The following SOBP variants were observed in gnomAD, a reference collection of about 807,000 sequenced individuals.
The protein encoded by SOBP is sine oculis-binding protein homolog.
In SOBP, 4 loss-of-function variants were observed where a neutral mutation model predicts 53.6. That is an observed-to-expected ratio of 0.07 (90% CI 0.04 to 0.17). SOBP has a LOEUF of 0.17. SOBP is among the 10% of genes least tolerant of loss of function. The pLI is 1.00. For missense variants in SOBP, 1,088 were observed against 1,204.7 expected, an observed-to-expected ratio of 0.90 and a Z score of 1.43; for synonymous variants, 584 against 522.6, an observed-to-expected ratio of 1.12 and a Z score of -1.60.
chr6:107,556,166 A>C (rs149376305), intron 4 of SOBP, among the ~76,000 whole-genome samples: 15 of 152,314 alleles, frequency 9.8e-5, no homozygotes, highest in African/African-American at 3.4e-4. Flanking sequence ...TGTTAATGTA[A>C]TAGGGATGTT....
Position 107,634,986 on chromosome 6 carries a change from C to T in SOBP, c.2142C>T (p.Pro714=). The part of the protein sequence containing the change: ...GDPGPGAPAG[P]EAAAACNVIV... ...CAGGCCCGGGCGCCCCGGCGGGCCC[C>T]GAGGCGGCCGCGGCCTGCAACGTCA... is the stretch of plus-strand genomic sequence containing the variant. Residue 714 remains proline, a synonymous_variant, in exon 6 of 7, where the codon CCC becomes CCT. Transcript: ENST00000317357. The surrounding 1 kb of genome is among the most constrained non-coding windows in gnomAD (Gnocchi z 4.5). The T allele has an allele frequency of 9.6e-7, 1 of 1,040,590 alleles. No homozygotes were observed. The highest frequency in any genetic ancestry group is 1.2e-6 in the Non-Finnish European group (1 of 868,100). 64.5% of individuals were successfully genotyped at this position (1,040,590 alleles called of 1,614,324 possible).
In SOBP at chr6:107,635,303, T is replaced by C; in HGVS notation, c.2459T>C (p.Met820Thr). ...ADEDHAYALR[M>T]LPKTGCVIQP... ...GAGGACCATGCCTATGCTCTGCGGA[T>C]GCTGCCCAAGACCGGCTGCGTGATC... The change falls in exon 6 of 7, where the codon ATG becomes ACG. Residue 820 changes from methionine to threonine, a missense_variant. Physicochemically the swap from Met to Thr is moderately conservative, Grantham distance 81. Coordinates refer to ENST00000317357, the MANE Select transcript of SOBP (RefSeq NM_018013.4). The surrounding 1 kb of genome is among the most constrained non-coding windows in gnomAD (Gnocchi z 4.5). The C allele has an allele frequency of 6.2e-7, 1 of 1,613,878 alleles. No individual in the cohort carries two copies. The highest frequency in any genetic ancestry group is 8.5e-7 in the Non-Finnish European group (1 of 1,180,008).
At chr6:107,651,386 T>C (rs1266320880) in intron 6 of SOBP, among the ~76,000 whole-genome samples, 2 of 152,164 alleles carry the variant, frequency 1.3e-5, no homozygotes, top group African/African-American at 4.8e-5. Context: ...CCGACCACAA[T>C]ATTTCCTTAA....
At chr6:107,500,204 C>T (rs80221444) in intron 1 of SOBP, among the ~76,000 whole-genome samples, 1,690 of 152,066 alleles carry the variant, frequency 0.011, 39 homozygotes, top group African/African-American at 0.038. Flanking sequence ...CCAGCCTTGC[C>T]AACATGGTGA....
At chr6:107,550,399 T>C (rs1375271737) in intron 4 of SOBP, among the ~76,000 whole-genome samples, 1 of 152,186 alleles carries the variant, frequency 6.6e-6, no homozygotes, top group Non-Finnish European at 1.5e-5. Context: ...GTGTGGAAGT[T>C]GACTTCACGC....
rs79826457 is a variant in SOBP at position 107,611,587 on chromosome 6, G to A, written c.670-21927G>A. Among the ~76,000 whole-genome samples, 42 of 152,296 alleles carry A rather than the reference G, an allele frequency of 2.8e-4. 1 individual carries two copies. In the East Asian group the frequency reaches 6.9e-3, roughly 25 times the overall value. ...CCTCAGCCCAGTAGGAGGACCGGCT[G>A]TATGTGCTGTGTGGCCGGGCCAGCA... On this transcript the variant is annotated intron_variant, in intron 5 of 6. Transcript: ENST00000317357.
intron 1 of SOBP, among the ~76,000 whole-genome samples, chr6:107,501,473 T>TA (rs1338830649): frequency 4.6e-5 from 7 of 152,202 alleles, no homozygotes; most frequent in Admixed American, 4.6e-4. Flanking sequence ...AAACTGGATA[T>TA]AGTCACTAGG....
chr6:107,499,060 A>T (rs988274229), intron 1 of SOBP, among the ~76,000 whole-genome samples: 1 of 152,232 alleles, frequency 6.6e-6, no homozygotes, highest in Non-Finnish European at 1.5e-5. Flanking sequence ...GTAAGTAGAT[A>T]TGCCCTGTTT....
chr6:107,523,733 G>A (rs1301560649), intron 3 of SOBP, among the ~76,000 whole-genome samples: 1 of 152,216 alleles, frequency 6.6e-6, no homozygotes, highest in African/African-American at 2.4e-5. Flanking sequence ...CAGTGGAGAT[G>A]CTTACACCTG....
intron 5 of SOBP, among the ~76,000 whole-genome samples, chr6:107,589,819 A>G (rs1190085374): frequency 6.6e-6 from 1 of 152,252 alleles, no homozygotes; most frequent in East Asian, 1.9e-4. Context: ...CTCTTCATAG[A>G]TAGTCATGCA....
chr6:107,656,543 G>A (rs1173051633), intron 6 of SOBP, among the ~76,000 whole-genome samples: 1 of 152,192 alleles, frequency 6.6e-6, no homozygotes. Flanking sequence ...CAGATCTGGT[G>A]ATTTAATGTG....
At chr6:107,559,740 G>T (rs1421457899) in intron 4 of SOBP, among the ~76,000 whole-genome samples, 1 of 152,180 alleles carries the variant, frequency 6.6e-6, no homozygotes, top group African/African-American at 2.4e-5. Context: ...CTCTTATTTT[G>T]TGTTGTGTGA....
chr6:107,568,436 C>A (rs927611716), intron 4 of SOBP, among the ~76,000 whole-genome samples: 7 of 152,208 alleles, frequency 4.6e-5, no homozygotes, highest in African/African-American at 7.2e-5. Context: ...AGCTTCCCAC[C>A]AGTTTGGGGC....
intron 4 of SOBP, among the ~76,000 whole-genome samples, chr6:107,572,847 G>A (rs2115040227): frequency 6.6e-6 from 1 of 152,280 alleles, no homozygotes; most frequent in African/African-American, 2.4e-5. Flanking sequence ...TGGAAAATAA[G>A]GAATTGAAAG....
chr6:107,556,613 A>G (rs1784617686), intron 4 of SOBP, among the ~76,000 whole-genome samples: 2 of 152,226 alleles, frequency 1.3e-5, no homozygotes, highest in African/African-American at 2.4e-5. Flanking sequence ...AATTAATTAT[A>G]TAGTTTGACT....
chr6:107,567,400 T>C (rs1420291648), intron 4 of SOBP, among the ~76,000 whole-genome samples: 1 of 152,248 alleles, frequency 6.6e-6, no homozygotes, highest in Non-Finnish European at 1.5e-5. Flanking sequence ...TTTCACTGCC[T>C]TGGCTAGCAG....
At position 107,520,154 on chromosome 6, in the gene SOBP, A is replaced by G. The variant is rs542842315; in HGVS notation, c.422-13305A>G. ...AGCCAAAGAATTTTCTAATCCTCCTATGGTAGGGGTAAGGAAAAACAGTGG... is the reference window on the plus strand; with the variant it reads ...AGCCAAAGAATTTTCTAATCCTCCTGTGGTAGGGGTAAGGAAAAACAGTGG... On this transcript the variant is annotated intron_variant, in intron 3 of 6. Coordinates refer to ENST00000317357, the MANE Select transcript of SOBP (RefSeq NM_018013.4). 1.3e-4 allele frequency among the ~76,000 whole-genome samples: 20 copies of G among 152,256 alleles called. No individual in the cohort carries two copies. In the South Asian group the frequency reaches 4.1e-3, roughly 32 times the overall value.
intron 3 of SOBP, chr6:107,529,549 A>G (rs1414124256): frequency 1.0e-6 from 1 of 985,328 alleles, no homozygotes; most frequent in African/African-American, 1.7e-5. Context: ...GGGGTGGTAA[A>G]TCTACAGTTT....
chr6:107,648,154 T>A (rs1771639895), intron 6 of SOBP, among the ~76,000 whole-genome samples: 1 of 152,200 alleles, frequency 6.6e-6, no homozygotes, highest in Non-Finnish European at 1.5e-5. Context: ...AAGCTGCTTT[T>A]TTCTCTGTAT....
Sources: allele counts gnomAD v4.1 joint callset (sites outside exome capture counted in the v4.1 genomes callset), GRCh38; gene constraint gnomAD v4.1.1; non-coding constraint Gnocchi (gnomAD v3.1); transcripts MANE v1.5; gene names NCBI Gene and HGNC (gene_info 2026-07-23, HGNC 2026-07-21).